Variants in SERTM1 observed in about 807,000 individuals in gnomAD.
SERTM1 encodes serine-rich and transmembrane domain-containing protein 1.
SERTM1 carries 1 observed loss-of-function variant against 5.5 expected under a neutral mutation model. The observed-to-expected ratio is 0.18, with a 90% CI of 0.06 to 0.86. The LOEUF is 0.86. SERTM1 is among the 40% of genes least tolerant of loss of function. The pLI is 0.69. For missense variants in SERTM1, 91 were observed against 122.4 expected, an observed-to-expected ratio of 0.74 and a Z score of 1.21; for synonymous variants, 52 against 55.1, an observed-to-expected ratio of 0.94 and a Z score of 0.25.
intron 1 of SERTM1, among the ~76,000 whole-genome samples, chr13:36,681,536 C>T (rs984370275): frequency 2.0e-5 from 3 of 152,184 alleles, no homozygotes; most frequent in African/African-American, 7.2e-5. Context: ...GATGGAGTAG[C>T]TAACAATCCT....
intron 1 of SERTM1, among the ~76,000 whole-genome samples, chr13:36,692,267 G>A (rs2056784044): frequency 1.3e-5 from 2 of 152,176 alleles, no homozygotes; most frequent in Non-Finnish European, 2.9e-5. Flanking sequence ...GTCAACAGTT[G>A]AGGCTCATGG....
At chr13:36,685,131 G>A (rs1429214144) in intron 1 of SERTM1, among the ~76,000 whole-genome samples, 11 of 152,180 alleles carry the variant, frequency 7.2e-5, no homozygotes, top group Non-Finnish European at 1.3e-4. Context: ...ACCCACACTT[G>A]ATAGCCTGCC....
chr13:36,676,851 G>A (rs1407799520), intron 1 of SERTM1, among the ~76,000 whole-genome samples: 4 of 152,328 alleles, frequency 2.6e-5, no homozygotes, highest in Admixed American at 2.6e-4. Context: ...GAATAGGGAA[G>A]CCAACAAGGA....
At position 36,683,554 on chromosome 13, in the gene SERTM1, A is replaced by G. The variant is rs150758555; in HGVS notation, c.-174+9370A>G. Among the ~76,000 whole-genome samples, 39 of 152,310 alleles carry G rather than the reference A, an allele frequency of 2.6e-4. No homozygotes were observed. The East Asian group carries it at 7.5e-3, about 29-fold the overall frequency. On this transcript the variant is annotated intron_variant, in intron 1 of 1. Transcript: ENST00000315190. ...ACAACAAAAGTTTATTAATGTTGACATAAGTGTCAATGGGGCCAGCAAGGG... is the reference window on the plus strand; with the variant it reads ...ACAACAAAAGTTTATTAATGTTGACGTAAGTGTCAATGGGGCCAGCAAGGG...
At position 36,695,016 on chromosome 13, in the gene SERTM1, G is replaced by A; in HGVS notation, c.-63G>A. The A allele has an allele frequency of 2.5e-6, 3 of 1,207,098 alleles. No individual in the cohort carries two copies. Among genetic ancestry groups the A allele is most frequent in the Non-Finnish European group, 3.6e-6 (3 of 833,646 alleles). The allele number at this position is 1,207,098 out of a possible 1,614,324, so 74.8% of individuals were successfully genotyped here. A position where few individuals can be genotyped will look rare whatever the true frequency, so the allele number is the denominator to read the frequency against. ...TCGTGAAAAAATGCCAATCTGTCCT[G>A]TGTAAGCCCTGTGTGAAGTTTTGAC... is the stretch of plus-strand genomic sequence containing the variant. On this transcript the variant is annotated 5_prime_UTR_variant, in exon 2 of 2. The change creates a new upstream start codon in the 5' untranslated region. Transcript: ENST00000315190.
chr13:36,688,409 C>G, intron 1 of SERTM1, among the ~76,000 whole-genome samples: 1 of 152,054 alleles, frequency 6.6e-6, no homozygotes, highest in Admixed American at 6.6e-5. Context: ...GATAGGTTTT[C>G]TTCATGTTGC....
intron 1 of SERTM1, among the ~76,000 whole-genome samples, chr13:36,690,584 T>C (rs1213632630): frequency 6.6e-6 from 1 of 152,184 alleles, no homozygotes; most frequent in African/African-American, 2.4e-5. Context: ...AAGATAATCA[T>C]GCAAAGGGTA....
Position 36,695,077 on chromosome 13 carries a change from AG to A in SERTM1, c.-1del. Reference sequence around the variant, plus strand: ...CAGATCACTCCTTCACCCTCCATAAAGATGTCTGAACCTGACACTTCCTCAG... The same window carrying A: ...CAGATCACTCCTTCACCCTCCATAAAATGTCTGAACCTGACACTTCCTCAG... On this transcript the variant is annotated 5_prime_UTR_variant, in exon 2 of 2. Coordinates refer to ENST00000315190, the MANE Select transcript of SERTM1 (RefSeq NM_203451.3). 1 of 1,611,090 alleles carries A rather than the reference AG, an allele frequency of 6.2e-7. No individual in the cohort carries two copies. The highest frequency in any genetic ancestry group is 1.3e-5 in the African/African-American group (1 of 74,896).
At chr13:36,693,709 C>A (rs2056794273) in intron 1 of SERTM1, among the ~76,000 whole-genome samples, 1 of 152,164 alleles carries the variant, frequency 6.6e-6, no homozygotes, top group Non-Finnish European at 1.5e-5. Flanking sequence ...AAGGCAAGTT[C>A]TCCAGGTAAA....
intron 1 of SERTM1, among the ~76,000 whole-genome samples, chr13:36,687,548 T>C (rs567978012): frequency 6.6e-6 from 1 of 152,112 alleles, no homozygotes; most frequent in East Asian, 1.9e-4. Flanking sequence ...ATCTTATGGA[T>C]AGATAATGGT....
chr13:36,683,088 T>C (rs978676156), intron 1 of SERTM1, among the ~76,000 whole-genome samples: 1 of 152,092 alleles, frequency 6.6e-6, no homozygotes, highest in Non-Finnish European at 1.5e-5. Context: ...TTTTTTCCAC[T>C]AGGAGTCATG....
At chr13:36,691,471 G>A (rs2056778035) in intron 1 of SERTM1, among the ~76,000 whole-genome samples, 2 of 152,092 alleles carry the variant, frequency 1.3e-5, no homozygotes, top group Admixed American at 1.3e-4. Context: ...CTTTTTTGTA[G>A]ATTTCTTCCC....
At chr13:36,674,868 G>A (rs2056660176) in intron 1 of SERTM1, among the ~76,000 whole-genome samples, 1 of 152,152 alleles carries the variant, frequency 6.6e-6, no homozygotes. Context: ...CGGAAACCCA[G>A]TAGGTAACTG....
At position 36,695,531 on chromosome 13, in the gene SERTM1, C is replaced by G. The variant is rs919728777; in HGVS notation, c.*129C>G. ...ACCTGCTTCTCCTTCTCCTTTTTCT[C>G]TGATTTCTTTTCTGTTCATGATGCT... On this transcript the variant is annotated 3_prime_UTR_variant, in exon 2 of 2. Transcript: ENST00000315190. The G allele has an allele frequency of 1.7e-5, 12 of 694,590 alleles. No homozygotes were observed. Among genetic ancestry groups the G allele is most frequent in the Non-Finnish European group, 2.7e-5 (11 of 406,022 alleles). The allele number at this position is 694,590 out of a possible 1,614,324, so 43.0% of individuals were successfully genotyped here. A position where few individuals can be genotyped will look rare whatever the true frequency, so the allele number is the denominator to read the frequency against.
intron 1 of SERTM1, among the ~76,000 whole-genome samples, chr13:36,683,192 A>G (rs563355560): frequency 1.3e-5 from 2 of 152,310 alleles, no homozygotes; most frequent in East Asian, 3.9e-4. Context: ...ATCCTTATAC[A>G]GTAGCAGCTC....
rs187731647 is a variant in SERTM1, at chr13:36,676,529, T to C, written c.-174+2345T>C. 5.3e-5 allele frequency among the ~76,000 whole-genome samples: 8 copies of C among 152,302 alleles called. No individual in the cohort carries two copies. The East Asian group carries it at 1.5e-3, about 29-fold the overall frequency. On this transcript the variant is annotated intron_variant, in intron 1 of 1. Transcript: ENST00000315190. Reference sequence around the variant, plus strand: ...TTTTTGTGTTTTGTTCATCTGAGTTTTTAAAGTAGTAATTTAAGAATCTGA... The same window carrying C: ...TTTTTGTGTTTTGTTCATCTGAGTTCTTAAAGTAGTAATTTAAGAATCTGA...
intron 1 of SERTM1, among the ~76,000 whole-genome samples, chr13:36,687,494 G>A (rs570610309): frequency 4.6e-5 from 7 of 151,994 alleles, no homozygotes; most frequent in South Asian, 2.1e-4. Context: ...CTCCTTAATG[G>A]GGAATCTTTA....
intron 1 of SERTM1, among the ~76,000 whole-genome samples, chr13:36,694,091 A>AT (rs1264016962): frequency 6.6e-6 from 1 of 152,164 alleles, no homozygotes; most frequent in Non-Finnish European, 1.5e-5. Context: ...CATGTCTATT[A>AT]TGTTGGTCAG....
Position 36,695,279 on chromosome 13 carries a change from A to C in SERTM1, c.201A>C (p.Lys67Asn), listed in dbSNP as rs752906683. Reference sequence around the variant, plus strand: ...TAATCATTGCCCTCCAGAGGCTCAAAAATATCATCTCCTCCAGTTCCTCCT... The same window carrying C: ...TAATCATTGCCCTCCAGAGGCTCAACAATATCATCTCCTCCAGTTCCTCCT... ...LLLIIALQRL[K>N]NIISSSSSYP... The change falls in exon 2 of 2, where the codon AAA becomes AAC. Residue 67 changes from lysine to asparagine, a missense_variant. By Grantham distance (94) the Lys-to-Asn change is moderately conservative. Transcript: ENST00000315190. 6.2e-7 allele frequency: 1 copy of C among 1,614,154 alleles called. No homozygotes were observed. Among genetic ancestry groups the C allele is most frequent in the Admixed American group, 1.7e-5 (1 of 60,020 alleles).
Sources: allele counts gnomAD v4.1 joint callset (sites outside exome capture counted in the v4.1 genomes callset), GRCh38; gene constraint gnomAD v4.1.1; transcripts MANE v1.5; gene names NCBI Gene and HGNC (gene_info 2026-07-23, HGNC 2026-07-21).